SERPINB8: variants seen among roughly 807,000 people sequenced by gnomAD.
SERPINB8 encodes the protein serpin family B member 8, also known as serpin B8.
Under a neutral mutation model 35.3 loss-of-function variants are expected in SERPINB8, and 25 were observed. The observed-to-expected ratio is 0.71, with a 90% confidence interval of 0.52 to 0.99. The LOEUF (loss-of-function observed/expected upper bound fraction) is 0.99. Ranked by LOEUF, SERPINB8 falls within the 50% of genes least tolerant of loss-of-function variation. SERPINB8 has a pLI of 0.00. For missense variants in SERPINB8, 484 were observed against 446.5 expected (o/e 1.08, Z -0.76); for synonymous variants, 186 against 160.8 (o/e 1.16, Z -1.19).
downstream of SERPINB8, among the ~76,000 whole-genome samples, chr18:64,008,679 G>C (rs1030475004): frequency 6.6e-6 from 1 of 151,900 alleles, no homozygotes; most frequent in Non-Finnish European, 1.5e-5. Context: ...AAATAATAGA[G>C]AATTATTAAA....
intron 7 of SERPINB8, among the ~76,000 whole-genome samples, chr18:64,018,190 A>C (rs1311273894): frequency 6.6e-6 from 1 of 152,210 alleles, no homozygotes; most frequent in East Asian, 1.9e-4. Context: ...TTCAGCTAAC[A>C]TTCTTGGTTT....
In SERPINB8 at chr18:63,987,129, A is replaced by G. The variant is rs915074845; in HGVS notation, c.976A>G (p.Thr326Ala). ...KCFVEVNEEG[T>A]EAAAATAVVR... The stretch of plus-strand genomic sequence containing the variant: ...CTTCGTGGAGGTCAATGAGGAAGGC[A>G]CAGAGGCTGCCGCAGCCACTGCTGT... Residue 326 changes from threonine to alanine, a missense_variant, in exon 7 of 7, where the codon ACA becomes GCA. Coordinates refer to ENST00000397985, the MANE Select transcript of SERPINB8 (RefSeq NM_002640.4). The G allele has an allele frequency of 7.4e-6, 12 of 1,614,064 alleles. No homozygotes were observed. Among genetic ancestry groups the G allele is most frequent in the Non-Finnish European group, 9.3e-6 (11 of 1,180,042 alleles).
At chr18:64,010,076 A>G (rs1305368361), downstream of SERPINB8, among the ~76,000 whole-genome samples, 2 of 152,148 alleles carry the variant, frequency 1.3e-5, no homozygotes, top group Admixed American at 6.5e-5. Flanking sequence ...TTTCCATGAA[A>G]GAATCTGTGA....
Position 63,987,344 on chromosome 18 carries a change from G to A in SERPINB8, c.*66G>A, listed in dbSNP as rs1040196797. The A allele has an allele frequency of 5.7e-5, 86 of 1,508,118 alleles. No homozygotes were observed. Among genetic ancestry groups the A allele is most frequent in the Non-Finnish European group, 7.5e-5 (83 of 1,112,928 alleles). The allele number at this position is 1,508,118 out of a possible 1,614,324, so 93.4% of individuals were successfully genotyped here. A position where few individuals can be genotyped will look rare whatever the true frequency, so the allele number is the denominator to read the frequency against. On this transcript the variant is annotated 3_prime_UTR_variant, in exon 7 of 7. Transcript: ENST00000397985. ...TATCTTGCCTTAATTAACATTCCCT[G>A]TGACCTAGTTGGTGCAGTGGCTTGA...
chr18:63,992,109 T>G (rs1254057380), downstream of SERPINB8, among the ~76,000 whole-genome samples: 2 of 152,344 alleles, frequency 1.3e-5, no homozygotes, highest in South Asian at 2.1e-4. Flanking sequence ...TTTTGTAATA[T>G]CTTTGTCTCA....
chr18:64,003,708 C>G (rs186285760), intron 1 of SERPINB8, among the ~76,000 whole-genome samples: 1 of 152,228 alleles, frequency 6.6e-6, no homozygotes, highest in Non-Finnish European at 1.5e-5. Flanking sequence ...GGTGTAAGTT[C>G]CAGTCAGAGG....
At chr18:64,001,483 A>G (rs143124039) in intron 1 of SERPINB8, among the ~76,000 whole-genome samples, 733 of 64,912 alleles carry the variant, frequency 0.011, 6 homozygotes, top group Middle Eastern at 0.023. Flanking sequence ...TTGTTTATTT[A>G]TTTATTTATT....
rs199920013 is a variant in SERPINB8, at chr18:63,986,943, G to T, written c.790G>T (p.Val264Phe). The change falls in exon 7 of 7, where the codon GTT becomes TTT. Residue 264 changes from valine (V) to phenylalanine (F), a missense_variant. Coordinates refer to ENST00000397985, the MANE Select transcript of SERPINB8 (RefSeq NM_002640.4). ...TNSEKLTKSK[V>F]QVFLPRLKLE... ...TTCAGAAAAGTTGACAAAAAGTAAG[G>T]TTCAAGTTTTCCTTCCCAGATTAAA... 1.6e-5 allele frequency: 26 copies of T among 1,614,012 alleles called. No individual in the cohort carries two copies. The highest frequency in any genetic ancestry group is 1.6e-4 in the Middle Eastern group (1 of 6,084).
chr18:64,002,494 C>T (rs1023775608), intron 1 of SERPINB8, among the ~76,000 whole-genome samples: 4 of 152,196 alleles, frequency 2.6e-5, no homozygotes, highest in Non-Finnish European at 5.9e-5. Flanking sequence ...CAGCCCAAAG[C>T]GTGGATGAGT....
chr18:64,013,188 CG>C (rs1555659912), intron 7 of SERPINB8, among the ~76,000 whole-genome samples: 1 of 151,082 alleles, frequency 6.6e-6, no homozygotes, highest in Non-Finnish European at 1.5e-5. Context: ...TTCTTCCCCC[CG>C]CTCCAGTCAG....
chr18:63,980,002 ATAATAAAG>A, intron 3 of SERPINB8, 64 bp downstream of exon 3: 1 of 1,511,338 alleles, frequency 6.6e-7, no homozygotes, highest in South Asian at 1.1e-5. Context: ...AGAAGAGCAG[ATAATAAAG>A]TATAACTGTA....
In SERPINB8 at chr18:64,000,305, C is replaced by T. The variant is rs150016724; in HGVS notation, c.71-4514C>T. Among the ~76,000 whole-genome samples the T allele has an allele frequency of 1.9e-3, 285 of 152,256 alleles. 1 individual carries two copies. The highest frequency in any genetic ancestry group is 6.5e-3 in the African/African-American group (269 of 41,568). ...TCCATTGCTGGCTCAGACTAATTACCGGGTTATTGTCATAATCCCGCAAAT... is the reference window on the plus strand; with the variant it reads ...TCCATTGCTGGCTCAGACTAATTACTGGGTTATTGTCATAATCCCGCAAAT... On this transcript the variant is annotated intron_variant, in intron 1 of 1. Coordinates refer to the SERPINB8 transcript ENST00000493661.
At chr18:64,010,006 T>G (rs183196900), downstream of SERPINB8, among the ~76,000 whole-genome samples, 1 of 151,942 alleles carries the variant, frequency 6.6e-6, no homozygotes, top group Non-Finnish European at 1.5e-5. Flanking sequence ...AAACAGAAAC[T>G]AAGAGATGAT....
rs1555716935 is a variant in SERPINB8 at position 64,001,475 on chromosome 18, G to GTTTGTTTATTTATTTATTTATTTA, written c.71-3341_71-3340insGTTTATTTATTTATTTATTTATTT. Among the ~76,000 whole-genome samples, 113 of 146,916 alleles carry GTTTGTTTATTTATTTATTTATTTA rather than the reference G, an allele frequency of 7.7e-4. 1 individual carries two copies. The highest frequency in any genetic ancestry group is 2.7e-3 in the African/African-American group (102 of 38,058). On this transcript the variant is annotated intron_variant, in intron 1 of 1. Coordinates refer to the SERPINB8 transcript ENST00000493661. ...TCTTTTCTTTTCTGTTTGTTTGTTT[G>GTTTGTTTATTTATTTATTTATTTA]TTTATTTATTTATTTATTTATTTAT...
intron 1 of SERPINB8, among the ~76,000 whole-genome samples, chr18:63,970,790 C>T (rs188931968): frequency 2.0e-5 from 3 of 152,288 alleles, no homozygotes; most frequent in African/African-American, 4.8e-5. Context: ...CCTGTCCCCC[C>T]CCTCCGTTCT....
At chr18:63,989,632 T>C (rs556486537), downstream of SERPINB8, among the ~76,000 whole-genome samples, 2 of 152,276 alleles carry the variant, frequency 1.3e-5, no homozygotes, top group East Asian at 1.9e-4. Context: ...TAATGCCTAA[T>C]TATGTTCAGC....
intron 1 of SERPINB8, among the ~76,000 whole-genome samples, chr18:64,001,040 C>T (rs766925366): frequency 6.6e-6 from 1 of 152,236 alleles, no homozygotes; most frequent in African/African-American, 2.4e-5. Context: ...ATATTCTCCA[C>T]TCTGAGATAT....
chr18:63,996,605 A>G (rs1225386773), intron 1 of SERPINB8, among the ~76,000 whole-genome samples: 2 of 152,186 alleles, frequency 1.3e-5, no homozygotes, highest in African/African-American at 4.8e-5. Context: ...TGCCTGGAGG[A>G]AGCACTAGCC....
downstream of SERPINB8, among the ~76,000 whole-genome samples, chr18:63,992,609 T>G (rs912551592): frequency 2.6e-5 from 4 of 152,244 alleles, no homozygotes; most frequent in South Asian, 2.1e-4. Context: ...ATTTCTGCTC[T>G]GATCTTTATT....
Sources: gnomAD v4.1 joint callset for allele counts (sites outside exome capture counted in the v4.1 genomes callset) on GRCh38, gnomAD v4.1.1 for gene constraint, MANE v1.5 for transcripts, NCBI Gene and HGNC (gene_info 2026-07-23, HGNC 2026-07-21) for gene names.